The following SLC39A12 variants were observed in gnomAD, a reference collection of about 807,000 sequenced individuals.
SLC39A12 encodes the protein solute carrier family 39 member 12.
In SLC39A12, 63 loss-of-function variants were observed where a neutral mutation model predicts 71.1. That is an observed-to-expected ratio of 0.89 (90% CI 0.72 to 1.09). SLC39A12 has a LOEUF of 1.09. Among genes scored for constraint, SLC39A12 ranks in the 50% least tolerant of loss-of-function variants. The probability of loss-of-function intolerance (pLI) is 0.00; values close to 1 mark genes in which losing one functional copy is unlikely to be tolerated. For synonymous variants in SLC39A12, 351 were observed against 301.3 expected (o/e 1.16, Z -1.71); for missense variants, 892 against 812.6 (o/e 1.10, Z -1.19).
intron 9 of SLC39A12, among the ~76,000 whole-genome samples, chr10:17,995,371 C>T (rs995863105): frequency 3.9e-5 from 6 of 152,146 alleles, no homozygotes; most frequent in Non-Finnish European, 5.9e-5. Context: ...ACATAATTTA[C>T]GAGTCTGAAT....
At chr10:18,040,413 T>C (rs1170415904) in intron 12 of SLC39A12, among the ~76,000 whole-genome samples, 1 of 152,070 alleles carries the variant, frequency 6.6e-6, no homozygotes, top group Non-Finnish European at 1.5e-5. Flanking sequence ...TTGAAATAAC[T>C]ACCTAAGATG....
At position 17,983,460 on chromosome 10, in the gene SLC39A12, T is replaced by A. The variant is rs144044301; in HGVS notation, c.1096+1977T>A. On this transcript the variant is annotated intron_variant, in intron 6 of 12. Coordinates refer to ENST00000377369, the MANE Select transcript of SLC39A12 (RefSeq NM_001145195.2). ...CTATGACAATGCCATTGCACTCCAGTTGGGTGACAGAGAGAGACCCTGTCT... is the reference window on the plus strand; with the variant it reads ...CTATGACAATGCCATTGCACTCCAGATGGGTGACAGAGAGAGACCCTGTCT... Among the ~76,000 whole-genome samples, 15 of 151,462 alleles carry A rather than the reference T, an allele frequency of 9.9e-5. No homozygotes were observed. The East Asian group carries it at 2.7e-3, about 28-fold the overall frequency.
intron 7 of SLC39A12, among the ~76,000 whole-genome samples, 165 bp from the exon 8 acceptor site, chr10:17,990,986 C>T (rs1242847149): frequency 6.6e-6 from 1 of 152,158 alleles, no homozygotes; most frequent in Non-Finnish European, 1.5e-5. Context: ...CATTCACATA[C>T]CCAAAAGCAA....
chr10:18,004,877 T>A (rs982634545), intron 12 of SLC39A12, among the ~76,000 whole-genome samples: 1 of 152,102 alleles, frequency 6.6e-6, no homozygotes, highest in African/African-American at 2.4e-5. Flanking sequence ...ATATGCACCG[T>A]GGAATAATAC....
At position 17,965,651 on chromosome 10, in the gene SLC39A12, T is replaced by C; in HGVS notation, c.712T>C (p.Phe238Leu). 3.1e-6 allele frequency: 5 copies of C among 1,614,140 alleles called. No homozygotes were observed. The highest frequency in any genetic ancestry group is 4.2e-6 in the Non-Finnish European group (5 of 1,180,004). Residue 238 changes from phenylalanine (F) to leucine (L), a missense_variant, in exon 4 of 13, where the codon TTC becomes CTC. By Grantham distance (22) the Phe-to-Leu change is conservative. Transcript: ENST00000377369. ...CCCAGACTACTTTACAGAATATATT[T>C]TCAGTTCCTTGAATCGTACGAATAC... ...PSPDYFTEYIFSSLNRTNTLR... is the reference protein window; with the variant it reads ...PSPDYFTEYILSSLNRTNTLR...
rs1297568266 is a variant in SLC39A12 at position 18,029,038 on chromosome 10, T to TA, written c.1948-13665dup. 1.9e-3 allele frequency among the ~76,000 whole-genome samples: 284 copies of TA among 150,340 alleles called. 3 individuals carry two copies. The highest frequency in any genetic ancestry group is 3.4e-3 in the Middle Eastern group (1 of 292). ...CCCCACCAAAACTTTTTTTTTTTTT[T>TA]AATTTTTGTTTTTTAGTAGAGGTGG... On this transcript the variant is annotated intron_variant, in intron 12 of 12. Transcript: ENST00000377369.
chr10:17,970,901 C>T (rs114307493), intron 4 of SLC39A12, among the ~76,000 whole-genome samples: 2,060 of 152,134 alleles, frequency 0.014, 41 homozygotes, highest in African/African-American at 0.043. Flanking sequence ...AAAGGGCTTT[C>T]AGTTTGTTCT....
At chr10:17,975,061 G>A (rs962713048) in intron 4 of SLC39A12, among the ~76,000 whole-genome samples, 5 of 152,174 alleles carry the variant, frequency 3.3e-5, no homozygotes, top group Non-Finnish European at 7.3e-5. Context: ...GGTCCATGGG[G>A]AGAGCTGCCA....
rs1450301367 is a variant in SLC39A12, at chr10:17,951,938, A to G, written c.-174A>G. The G allele has an allele frequency of 6.6e-6, 1 of 152,206 alleles. No homozygotes were observed. The highest frequency in any genetic ancestry group is 6.5e-5 in the Admixed American group (1 of 15,280). The allele number at this position is 152,206 out of a possible 1,614,324, so 9.4% of individuals were successfully genotyped here. A position where few individuals can be genotyped will look rare whatever the true frequency, so the allele number is the denominator to read the frequency against. On this transcript the variant is annotated 5_prime_UTR_variant, in exon 1 of 13. Coordinates refer to ENST00000377369, the MANE Select transcript of SLC39A12 (RefSeq NM_001145195.2). Reference sequence around the variant, plus strand: ...AGTGCACAGTCAAAGAATTTTAAAAACAGGGAACTTTGTAACTGTGAAATA... The same window carrying G: ...AGTGCACAGTCAAAGAATTTTAAAAGCAGGGAACTTTGTAACTGTGAAATA...
rs1457855302 is a variant in SLC39A12 at position 17,953,233 on chromosome 10, C to G, written c.-44C>G. On this transcript the variant is annotated 5_prime_UTR_variant, in exon 2 of 13. Coordinates refer to ENST00000377369, the MANE Select transcript of SLC39A12 (RefSeq NM_001145195.2). ...AGTTTACCCCATAAACGGCAACACA[C>G]TCACCTCCATCCAAGACAGACTCAA... 3.1e-6 allele frequency: 5 copies of G among 1,591,228 alleles called. No individual in the cohort carries two copies. The African/African-American group carries it at 6.8e-5, about 22-fold the overall frequency.
intron 12 of SLC39A12, among the ~76,000 whole-genome samples, chr10:18,027,218 T>G (rs1016284638): frequency 6.6e-6 from 1 of 152,208 alleles, no homozygotes; most frequent in South Asian, 2.1e-4. Flanking sequence ...CTTGTGCCCT[T>G]GGACTATGAA....
intron 6 of SLC39A12, among the ~76,000 whole-genome samples, chr10:17,986,565 T>C (rs1163400927): frequency 2.0e-5 from 3 of 152,210 alleles, no homozygotes; most frequent in Non-Finnish European, 4.4e-5. Context: ...TATGTTCTAA[T>C]CACCTCCCAA....
rs1254783816 is a variant in SLC39A12 at position 18,000,843 on chromosome 10, A to G, written c.1759+18A>G. The G allele has an allele frequency of 1.2e-6, 2 of 1,610,230 alleles. No homozygotes were observed. Among genetic ancestry groups the G allele is most frequent in the African/African-American group, 1.3e-5 (1 of 74,886 alleles). ...TGAAATGGGTAAGTTCAACAATGGA[A>G]TTACTGTTTCTGGCCTGTTGAGAAA... On this transcript the variant is annotated intron_variant, in intron 11 of 12. Transcript: ENST00000377369.
At chr10:17,963,032 G>A (rs782515466) in intron 3 of SLC39A12, among the ~76,000 whole-genome samples, 21 of 152,068 alleles carry the variant, frequency 1.4e-4, no homozygotes, top group Non-Finnish European at 2.9e-4. Context: ...GTGGTGGCAT[G>A]AGCTGGTAGT....
At chr10:18,022,843 G>A (rs539677612) in intron 12 of SLC39A12, among the ~76,000 whole-genome samples, 1 of 152,280 alleles carries the variant, frequency 6.6e-6, no homozygotes, top group South Asian at 2.1e-4. Flanking sequence ...AAGGCTTTGT[G>A]CAAGTTCTTT....
At chr10:17,991,522 A>G (rs1835547361) in intron 8 of SLC39A12, among the ~76,000 whole-genome samples, 1 of 152,068 alleles carries the variant, frequency 6.6e-6, no homozygotes, top group African/African-American at 2.4e-5. Context: ...CTTTTGTTCA[A>G]CCTTCATGGT....
chr10:17,991,997 G>A (rs1047764389), intron 8 of SLC39A12, among the ~76,000 whole-genome samples: 1 of 148,888 alleles, frequency 6.7e-6, no homozygotes, highest in Non-Finnish European at 1.5e-5. Flanking sequence ...GCTGAGGCAG[G>A]AGAATTGCTT....
In SLC39A12 at chr10:18,038,307, C is replaced by G. The variant is rs1262368932; in HGVS notation, c.1948-4398C>G. Among the ~76,000 whole-genome samples, 7 of 152,094 alleles carry G rather than the reference C, an allele frequency of 4.6e-5. No homozygotes were observed. The South Asian group carries it at 1.0e-3, about 23-fold the overall frequency. ...CATTCAATTCAATAGGTATTAAATC[C>G]TCCAAGCAAGCAGCAGGTTTATAAA... On this transcript the variant is annotated intron_variant, in intron 12 of 12. Coordinates refer to ENST00000377369, the MANE Select transcript of SLC39A12 (RefSeq NM_001145195.2).
chr10:18,009,731 C>A (rs1410865418), intron 12 of SLC39A12: 9 of 152,148 alleles, frequency 5.9e-5, no homozygotes. Context: ...GCCTGGAGGA[C>A]TTTCAATTTC....
Sources: gnomAD v4.1 joint callset for allele counts (sites outside exome capture counted in the v4.1 genomes callset) on GRCh38, gnomAD v4.1.1 for gene constraint, MANE v1.5 for transcripts, NCBI Gene and HGNC (gene_info 2026-07-23, HGNC 2026-07-21) for gene names.